Variants in NUP62CL observed in about 807,000 individuals in gnomAD.
NUP62CL encodes the protein nucleoporin 62 C-terminal like.
In NUP62CL, 13 loss-of-function variants were observed where a neutral mutation model predicts 15.3. That is an observed-to-expected ratio of 0.85 (90% CI 0.55 to 1.35). The LOEUF (loss-of-function observed/expected upper bound fraction) is 1.35. Among genes scored for constraint, NUP62CL ranks in the 40% most tolerant of loss-of-function variants. NUP62CL has a pLI of 0.00. For missense variants in NUP62CL, 123 were observed against 130.6 expected (o/e 0.94, Z 0.28); for synonymous variants, 54 against 49.2 (o/e 1.10, Z -0.41).
At chrX:107,138,307 A>T (rs188092928) in intron 8 of NUP62CL, among the ~76,000 whole-genome samples, 169 of 111,798 alleles carry the variant, frequency 1.5e-3, no homozygotes, top group Admixed American at 4.8e-3. Context: ...AATAAAACTG[A>T]TCAAATGCAT....
intron 2 of NUP62CL, among the ~76,000 whole-genome samples, chrX:107,180,552 G>C (rs1926892926): frequency 8.9e-6 from 1 of 112,035 alleles, no homozygotes; most frequent in African/African-American, 3.2e-5. Flanking sequence ...AGCACATAAA[G>C]TTTTTAAGTA....
chrX:107,141,601 A>C (rs1440374860), intron 8 of NUP62CL, among the ~76,000 whole-genome samples: 1 of 112,009 alleles, frequency 8.9e-6, no homozygotes, highest in African/African-American at 3.2e-5. Flanking sequence ...CAAAGAATTA[A>C]AGAAAAAGAG....
At chrX:107,182,530 GT>G in intron 2 of NUP62CL, among the ~76,000 whole-genome samples, 1 of 108,988 alleles carries the variant, frequency 9.2e-6, no homozygotes, top group South Asian at 4.0e-4. Context: ...GAAAATAGCA[GT>G]TTTTTTTAAA....
chrX:107,137,303 GAAGACTTT>G (rs948667986), intron 8 of NUP62CL, among the ~76,000 whole-genome samples: 2 of 111,660 alleles, frequency 1.8e-5, no homozygotes, highest in African/African-American at 6.5e-5. Flanking sequence ...GTGAAAGACT[GAAGACTTT>G]CCACATAAGA....
chrX:107,184,291 AAAGAGAAG>A (rs1569364407), intron 2 of NUP62CL, among the ~76,000 whole-genome samples: 1,176 of 95,100 alleles, frequency 0.012, 38 homozygotes, highest in African/African-American at 0.041. Context: ...CAGCACAAAA[AAAGAGAAG>A]AAAGAAAGAA....
intron 8 of NUP62CL, chrX:107,131,525 G>A: frequency 2.9e-6 from 1 of 340,994 alleles, no homozygotes; most frequent in South Asian, 3.7e-5. Context: ...ATAACAACTA[G>A]GGTTTTTAAA....
At chrX:107,170,705 C>T (rs148507837) in intron 3 of NUP62CL, among the ~76,000 whole-genome samples, 3,558 of 111,988 alleles carry the variant, frequency 0.032, 150 homozygotes, top group African/African-American at 0.11. Context: ...AGCCGCCACA[C>T]CCGGCCTATT....
chrX:107,126,780 T>C (rs1214397429), intron 8 of NUP62CL, among the ~76,000 whole-genome samples: 3 of 112,467 alleles, frequency 2.7e-5, no homozygotes, highest in Admixed American at 9.4e-5. Context: ...ATGCCTGTAA[T>C]CCCAGCACTT....
In NUP62CL at chrX:107,154,117, T is replaced by C; in HGVS notation, c.324A>G (p.Thr108=). 8.3e-7 allele frequency: 1 copy of C among 1,203,251 alleles called. No homozygotes were observed. The highest frequency in any genetic ancestry group is 1.1e-6 in the Non-Finnish European group (1 of 891,533). ...QATQVNAWDH[T]LIENGEMIRI... The stretch of plus-strand genomic sequence containing the variant: ...TTACCATCTCACCATTCTCAATCAA[T>C]GTATGGTCCCAAGCATTGACCTGAG... Residue 108 remains threonine, a synonymous_variant, in exon 5 of 9, where the codon ACA becomes ACG. Coordinates refer to ENST00000372466, the MANE Select transcript of NUP62CL (RefSeq NM_017681.3).
At chrX:107,128,661 G>A (rs1925442653) in intron 8 of NUP62CL, among the ~76,000 whole-genome samples, 1 of 111,631 alleles carries the variant, frequency 9.0e-6, no homozygotes, top group South Asian at 3.8e-4. Context: ...GGCAGTCAAG[G>A]AAGGCTTCAC....
intron 8 of NUP62CL, among the ~76,000 whole-genome samples, chrX:107,128,770 G>T (rs898692885): frequency 5.4e-5 from 6 of 111,869 alleles, no homozygotes; most frequent in African/African-American, 1.6e-4. Context: ...GATGAGGAAA[G>T]AATATCAGGC....
At position 107,167,747 on chromosome X, in the gene NUP62CL, G is replaced by A; in HGVS notation, c.96C>T (p.Thr32=). ...CACTGGTGATTGTGGTAGTAGTGTT[G>A]GTGGTGAAAGTGGCGGTGGTAGTCG... ...TSTTTTATFT[T]NTTTTITSGF... Residue 32 remains threonine (T), a synonymous_variant, in exon 4 of 9, where the codon ACC becomes ACT. Transcript: ENST00000372466. The A allele has an allele frequency of 8.4e-7, 1 of 1,191,807 alleles. No individual in the cohort carries two copies. Among genetic ancestry groups the A allele is most frequent in the Non-Finnish European group, 1.1e-6 (1 of 878,345 alleles).
chrX:107,180,728 G>A, intron 2 of NUP62CL, among the ~76,000 whole-genome samples: 1 of 111,163 alleles, frequency 9.0e-6, no homozygotes, highest in Middle Eastern at 4.6e-3. Flanking sequence ...GTATGGGAAA[G>A]GGGCAGGGGT....
In NUP62CL at chrX:107,175,169, G is replaced by T. The variant is rs1205641230; in HGVS notation, c.-23C>A. 3.6e-6 allele frequency: 4 copies of T among 1,123,387 alleles called. No individual in the cohort carries two copies. The African/African-American group carries it at 7.2e-5, about 20-fold the overall frequency. The allele number at this position is 1,123,387 out of a possible 1,213,427, so 92.6% of individuals were successfully genotyped here. A position where few individuals can be genotyped will look rare whatever the true frequency, so the allele number is the denominator to read the frequency against. On this transcript the variant is annotated 5_prime_UTR_variant, in exon 3 of 9. Transcript: ENST00000372466. ...CATGGTGCTTGAACTAGTGGTGGTG[G>T]CAACAGCAGCTGCTGGAGCCAAACC...
intron 8 of NUP62CL, among the ~76,000 whole-genome samples, chrX:107,139,821 C>G (rs1014628670): frequency 5.4e-5 from 6 of 111,320 alleles, no homozygotes; most frequent in Non-Finnish European, 1.1e-4. Flanking sequence ...CATTCAGAAA[C>G]GGAGGAAGGG....
At chrX:107,157,558 CT>C (rs1413313564) in intron 4 of NUP62CL, among the ~76,000 whole-genome samples, 4 of 107,320 alleles carry the variant, frequency 3.7e-5, no homozygotes, top group Non-Finnish European at 7.7e-5. Context: ...AAATAAAATA[CT>C]TTACAGACAA....
At chrX:107,153,873 T>A (rs1167001909) in intron 5 of NUP62CL, among the ~76,000 whole-genome samples, 1 of 111,326 alleles carries the variant, frequency 9.0e-6, no homozygotes, top group Non-Finnish European at 1.9e-5. Flanking sequence ...CTTAGGAGGC[T>A]GAGGTGGGAG....
At chrX:107,202,798 C>T (rs1602670735) in intron 1 of NUP62CL, 1 of 104,278 alleles carries the variant, frequency 9.6e-6, no homozygotes, top group South Asian at 4.6e-4. Context: ...GAGTTTGAGA[C>T]CAGCATGGGG....
At position 107,154,124 on chromosome X, in the gene NUP62CL, T is replaced by C. The variant is rs141719444; in HGVS notation, c.317A>G (p.Asp106Gly). The change falls in exon 5 of 9, where the codon GAC (aspartate) becomes GGC (glycine). Residue 106 changes from aspartate to glycine, a missense_variant. Coordinates refer to ENST00000372466, the MANE Select transcript of NUP62CL (RefSeq NM_017681.3). ...LLQATQVNAW[D>G]HTLIENGEMI... ...CTCACCATTCTCAATCAATGTATGG[T>C]CCCAAGCATTGACCTGAGTGGCCTG... is the stretch of plus-strand genomic sequence containing the variant. 11 of 1,204,154 alleles carry C rather than the reference T, an allele frequency of 9.1e-6. No homozygotes were observed. In the African/African-American group the frequency reaches 1.8e-4, roughly 19 times the overall value.
Sources: gnomAD v4.1 joint callset for allele counts (sites outside exome capture counted in the v4.1 genomes callset) on GRCh38, gnomAD v4.1.1 for gene constraint, MANE v1.5 for transcripts, NCBI Gene and HGNC (gene_info 2026-07-23, HGNC 2026-07-21) for gene names.